PAPOLA: variants seen among roughly 807,000 people sequenced by gnomAD.
PAPOLA encodes the protein polynucleotide adenylyltransferase alpha.
In PAPOLA, 15 loss-of-function variants were observed where a neutral mutation model predicts 100.6. That is an observed-to-expected ratio of 0.15 (90% CI 0.10 to 0.23). The LOEUF (loss-of-function observed/expected upper bound fraction) is 0.23. Among genes scored for constraint, PAPOLA ranks in the 10% least tolerant of loss-of-function variants. PAPOLA has a pLI of 1.00. For missense variants in PAPOLA, 533 were observed against 884.2 expected (o/e 0.60, Z 5.04); for synonymous variants, 293 against 300.0 (o/e 0.98, Z 0.24).
intron 10 of PAPOLA, chr14:96,535,321 T>C (rs541190709): frequency 1.0e-6 from 1 of 985,042 alleles, no homozygotes; most frequent in East Asian, 1.1e-4. Flanking sequence ...GATGTGAATT[T>C]ACAACTTACT....
chr14:96,556,043 A>G (rs1792846189), intron 18 of PAPOLA, 96 bp downstream of exon 18: 1 of 1,159,382 alleles, frequency 8.6e-7, no homozygotes, highest in Non-Finnish European at 1.3e-6. Flanking sequence ...GTTGAAATTC[A>G]GTTTTTTAAA....
At chr14:96,519,789 A>C (rs1289302819) in intron 1 of PAPOLA, among the ~76,000 whole-genome samples, 2 of 152,212 alleles carry the variant, frequency 1.3e-5, no homozygotes, top group African/African-American at 4.8e-5. Flanking sequence ...GAAGTTTACT[A>C]TATTCTGAAT....
At chr14:96,538,422 C>T (rs1053766421) in intron 12 of PAPOLA, among the ~76,000 whole-genome samples, 1 of 151,964 alleles carries the variant, frequency 6.6e-6, no homozygotes, top group African/African-American at 2.4e-5. Flanking sequence ...TTTTCTAAAG[C>T]TTGCTTAATG....
intron 3 of PAPOLA, among the ~76,000 whole-genome samples, chr14:96,524,999 C>T (rs1017551266): frequency 1.3e-5 from 2 of 152,118 alleles, no homozygotes; most frequent in Non-Finnish European, 2.9e-5. Context: ...ATAAAGTCCC[C>T]GATTCTAACG....
intron 1 of PAPOLA, 23 bp downstream of exon 1, chr14:96,502,623 T>C (rs936056517): frequency 1.3e-6 from 2 of 1,569,590 alleles, no homozygotes; most frequent in Non-Finnish European, 1.7e-6. Flanking sequence ...TATTCTGTTT[T>C]CTTTCGCTCG....
At position 96,566,216 on chromosome 14, in the gene PAPOLA, T is replaced by G. The variant is rs181753175; in HGVS notation, c.*1166T>G. 4.4e-5 allele frequency: 13 copies of G among 297,444 alleles called. No individual in the cohort carries two copies. Among genetic ancestry groups the G allele is most frequent in the Admixed American group, 2.0e-4 (4 of 19,834 alleles). 18.4% of individuals were successfully genotyped at this position (297,444 alleles called of 1,614,324 possible). On this transcript the variant is annotated 3_prime_UTR_variant, in exon 22 of 22. Transcript: ENST00000216277. ...TTATTTTTAAATGGTTTACCAAAAT[T>G]TGTCAGTACATTTTACGTGTAGAAG...
intron 3 of PAPOLA, among the ~76,000 whole-genome samples, chr14:96,522,088 C>T (rs1898020406): frequency 6.7e-6 from 1 of 149,594 alleles, no homozygotes; most frequent in Non-Finnish European, 1.5e-5. Flanking sequence ...TAGGCATGAG[C>T]CACTGCATCT....
At chr14:96,534,340 G>C in intron 9 of PAPOLA, 151 bp from the exon 10 acceptor site, 1 of 1,422,982 alleles carries the variant, frequency 7.0e-7, no homozygotes. Context: ...ATTTTGAGTA[G>C]TCTAATGTCG....
At chr14:96,523,895 A>G (rs1898232678) in intron 3 of PAPOLA, among the ~76,000 whole-genome samples, 1 of 151,318 alleles carries the variant, frequency 6.6e-6, no homozygotes, top group Non-Finnish European at 1.5e-5. Flanking sequence ...GTAAGCCGAG[A>G]TTGCGCCCGT....
At chr14:96,555,774 T>C in intron 17 of PAPOLA, 73 bp from the exon 18 acceptor site, 2 of 734,182 alleles carry the variant, frequency 2.7e-6, no homozygotes, top group Non-Finnish European at 2.2e-6. Context: ...ATATATGTTA[T>C]AGATTATTGT....
chr14:96,531,911 G>A, intron 7 of PAPOLA: 9 of 1,335,658 alleles, frequency 6.7e-6, no homozygotes, highest in Non-Finnish European at 8.6e-6. Context: ...CTTTAGTAAT[G>A]CTTTCAGCAT....
Position 96,536,012 on chromosome 14 carries a change from C to T in PAPOLA, c.1030+13C>T. On this transcript the variant is annotated intron_variant, in intron 11 of 21. Coordinates refer to ENST00000216277, the MANE Select transcript of PAPOLA (RefSeq NM_032632.5). ...GAGTTTAAACAAGGTAAGTGTTTAT[C>T]CTTATGCTCTGATTTATACAGGAAG... The T allele has an allele frequency of 1.9e-6, 3 of 1,575,396 alleles. No individual in the cohort carries two copies. Among genetic ancestry groups the T allele is most frequent in the Admixed American group, 3.6e-5 (2 of 55,516 alleles).
intron 10 of PAPOLA, chr14:96,535,206 CT>C (rs1331375856): frequency 6.7e-6 from 6 of 901,110 alleles, no homozygotes; most frequent in African/African-American, 1.8e-5. Context: ...TTATGAAATC[CT>C]TTTTTTCTAA....
At chr14:96,530,890 C>G (rs1174286633) in intron 6 of PAPOLA, among the ~76,000 whole-genome samples, 1 of 152,126 alleles carries the variant, frequency 6.6e-6, no homozygotes, top group African/African-American at 2.4e-5. Flanking sequence ...TTTTGACTTA[C>G]CGCAACCTCC....
intron 16 of PAPOLA, among the ~76,000 whole-genome samples, chr14:96,548,711 CAA>C (rs1468304017): frequency 6.6e-6 from 1 of 151,988 alleles, no homozygotes; most frequent in African/African-American, 2.4e-5. Context: ...ACCTAAAAAA[CAA>C]TGTATTTAGG....
At chr14:96,514,713 C>T (rs898370947) in intron 1 of PAPOLA, among the ~76,000 whole-genome samples, 5 of 152,186 alleles carry the variant, frequency 3.3e-5, no homozygotes, top group African/African-American at 1.2e-4. Context: ...CAGCTTTGGT[C>T]TAAAAACTTT....
chr14:96,523,202 G>T (rs961479789), intron 3 of PAPOLA, among the ~76,000 whole-genome samples: 1 of 151,948 alleles, frequency 6.6e-6, no homozygotes, highest in Non-Finnish European at 1.5e-5. Flanking sequence ...TTTTGCAAGT[G>T]AAAATGTTTT....
intron 21 of PAPOLA, among the ~76,000 whole-genome samples, chr14:96,563,657 G>A (rs575279729): frequency 3.9e-5 from 6 of 152,074 alleles, no homozygotes; most frequent in African/African-American, 1.4e-4. Context: ...GTGCAGCTCC[G>A]AGTTATTTTA....
chr14:96,506,979 T>G (rs1896758487), intron 1 of PAPOLA, among the ~76,000 whole-genome samples: 1 of 152,136 alleles, frequency 6.6e-6, no homozygotes, highest in Non-Finnish European at 1.5e-5. Flanking sequence ...ATACTCCTCT[T>G]TTCCAGTTAT....
Sources: allele counts gnomAD v4.1 joint callset (sites outside exome capture counted in the v4.1 genomes callset), GRCh38; gene constraint gnomAD v4.1.1; transcripts MANE v1.5; gene names NCBI Gene and HGNC (gene_info 2026-07-23, HGNC 2026-07-21).